Variants in DDX10 observed in about 807,000 individuals in gnomAD.
DDX10 encodes DEAD-box helicase 10.
DDX10 carries 74 observed loss-of-function variants against 104.3 expected under a neutral mutation model. The ratio of observed to expected loss-of-function variants is 0.71; its 90% CI spans 0.59 to 0.86. DDX10 has a LOEUF of 0.86. DDX10 is among the 40% of genes least tolerant of loss of function. The pLI is 0.00. For missense variants in DDX10, 952 were observed against 1,040.0 expected, an observed-to-expected ratio of 0.92 and a Z score of 1.16; for synonymous variants, 351 against 353.4, an observed-to-expected ratio of 0.99 and a Z score of 0.08.
At chr11:108,673,392 C>A in intron 1 of DDX10, 75 bp from the exon 2 acceptor site, 1 of 923,934 alleles carries the variant, frequency 1.1e-6, no homozygotes, top group Non-Finnish European at 1.7e-6. Flanking sequence ...ATGAGCTGGG[C>A]AATACAATGT....
intron 13 of DDX10, among the ~76,000 whole-genome samples, chr11:108,789,971 G>T (rs1265543081): frequency 6.6e-6 from 1 of 152,092 alleles, no homozygotes; most frequent in Non-Finnish European, 1.5e-5. Flanking sequence ...CTGGGGAGGG[G>T]GACCAGGCAT....
intron 6 of DDX10, among the ~76,000 whole-genome samples, chr11:108,681,899 TC>T (rs2094235800): frequency 6.6e-6 from 1 of 152,196 alleles, no homozygotes; most frequent in South Asian, 2.1e-4. Context: ...ATGAAATGCT[TC>T]TTTTTTGCAT....
At chr11:108,910,563 C>A (rs534176206) in intron 16 of DDX10, among the ~76,000 whole-genome samples, 2 of 152,172 alleles carry the variant, frequency 1.3e-5, no homozygotes, top group Admixed American at 1.3e-4. Context: ...AGTTTTCCAA[C>A]TAACTGTTTT....
At chr11:108,769,885 A>G (rs1402979146) in intron 13 of DDX10, among the ~76,000 whole-genome samples, 1 of 152,228 alleles carries the variant, frequency 6.6e-6, no homozygotes, top group Non-Finnish European at 1.5e-5. Context: ...ATTTAAAATA[A>G]TAAACTCATA....
At chr11:108,794,391 C>G (rs1319989160) in intron 13 of DDX10, among the ~76,000 whole-genome samples, 1 of 152,050 alleles carries the variant, frequency 6.6e-6, no homozygotes, top group East Asian at 1.9e-4. Context: ...TTTTCTTGCC[C>G]TATTGCACTA....
chr11:108,821,164 C>G (rs112676420), intron 13 of DDX10, among the ~76,000 whole-genome samples: 1 of 152,084 alleles, frequency 6.6e-6, no homozygotes, highest in South Asian at 2.1e-4. Context: ...AGAAGTATCA[C>G]GAGAAACATC....
At chr11:108,720,117 A>C (rs1454739330) in intron 12 of DDX10, among the ~76,000 whole-genome samples, 1 of 152,208 alleles carries the variant, frequency 6.6e-6, no homozygotes, top group Admixed American at 6.5e-5. Context: ...AGTTTAAGCC[A>C]CTCTGCCTTA....
intron 16 of DDX10, among the ~76,000 whole-genome samples, chr11:108,893,581 A>G (rs1863403320): frequency 1.3e-5 from 2 of 151,220 alleles, no homozygotes; most frequent in South Asian, 4.2e-4. Flanking sequence ...TATTTTCCTT[A>G]TTTTTTTGGA....
rs764615233 is a variant in DDX10, at chr11:108,876,413, A to G, written c.2304+24204A>G. 6.9e-4 allele frequency among the ~76,000 whole-genome samples: 105 copies of G among 152,196 alleles called. 3 individuals are homozygous for G. Among genetic ancestry groups the G allele is most frequent in the Non-Finnish European group, 1.5e-4 (10 of 68,024 alleles). On this transcript the variant is annotated intron_variant, in intron 16 of 17. Transcript: ENST00000322536. Reference sequence around the variant, plus strand: ...CAGACTTCAAACCTTTTTTCCCTCTATGCCACATCAGCAGACAAAATGGCG... The same window carrying G: ...CAGACTTCAAACCTTTTTTCCCTCTGTGCCACATCAGCAGACAAAATGGCG...
intron 13 of DDX10, among the ~76,000 whole-genome samples, chr11:108,799,932 A>G (rs934045694): frequency 6.6e-6 from 1 of 151,954 alleles, no homozygotes; most frequent in Admixed American, 6.6e-5. Flanking sequence ...GTTGTTGTTA[A>G]GAGATGGAGT....
At chr11:108,910,637 G>T (rs1282009481) in intron 16 of DDX10, among the ~76,000 whole-genome samples, 1 of 152,028 alleles carries the variant, frequency 6.6e-6, no homozygotes, top group South Asian at 2.1e-4. Flanking sequence ...TGTATTTCAG[G>T]AACTGCCAGT....
chr11:108,899,039 T>C (rs1016898617), intron 16 of DDX10, among the ~76,000 whole-genome samples: 4 of 152,236 alleles, frequency 2.6e-5, no homozygotes, highest in African/African-American at 9.6e-5. Context: ...TATTTTCAAA[T>C]GTGCATTGAA....
At chr11:108,815,347 A>T (rs971592891) in intron 13 of DDX10, among the ~76,000 whole-genome samples, 10 of 152,060 alleles carry the variant, frequency 6.6e-5, no homozygotes, top group Non-Finnish European at 1.5e-4. Flanking sequence ...GAGTAAATAC[A>T]GTCATCCCTT....
At chr11:108,841,289 G>C in intron 14 of DDX10, 26 bp from the exon 15 acceptor site, 2 of 1,605,702 alleles carry the variant, frequency 1.2e-6, no homozygotes, top group Non-Finnish European at 1.7e-6. Flanking sequence ...ACTTCCTGTT[G>C]ACACTGACCT....
chr11:108,918,143 T>TA (rs1863777306), intron 17 of DDX10, 125 bp downstream of exon 17: 11 of 933,886 alleles, frequency 1.2e-5, no homozygotes, highest in African/African-American at 9.9e-5. Context: ...TTGATACCTT[T>TA]ACTTAGATTC....
chr11:108,794,716 C>T (rs542167961), intron 13 of DDX10, among the ~76,000 whole-genome samples: 2 of 152,024 alleles, frequency 1.3e-5, no homozygotes, highest in South Asian at 2.1e-4. Context: ...TGGCATGTAC[C>T]CCTCTTGACC....
chr11:108,902,583 TA>T (rs1277100060), intron 16 of DDX10, among the ~76,000 whole-genome samples: 2 of 152,164 alleles, frequency 1.3e-5, no homozygotes, highest in Non-Finnish European at 2.9e-5. Context: ...TGTTGTAAGC[TA>T]AAAAGTTAAG....
Position 108,850,041 on chromosome 11 carries a change from G to C in DDX10, c.2248-2112G>C, listed in dbSNP as rs569467203. On this transcript the variant is annotated intron_variant, in intron 15 of 17. Coordinates refer to ENST00000322536, the MANE Select transcript of DDX10 (RefSeq NM_004398.4). ...TCAGAGTACTAATAAAGCTTTTTCA[G>C]ATAAGAAAGAAACGTTTTCTAATGA... Among the ~76,000 whole-genome samples the C allele has an allele frequency of 7.2e-5, 11 of 152,106 alleles. No homozygotes were observed. The South Asian group carries it at 2.3e-3, about 32-fold the overall frequency.
At chr11:108,738,027 A>G (rs76892461) in intron 13 of DDX10, among the ~76,000 whole-genome samples, 4 of 152,190 alleles carry the variant, frequency 2.6e-5, no homozygotes, top group African/African-American at 9.6e-5. Context: ...TGATATGGGA[A>G]ATGGTTGCAT....
Sources: gnomAD v4.1 joint callset for allele counts (sites outside exome capture counted in the v4.1 genomes callset) on GRCh38, gnomAD v4.1.1 for gene constraint, MANE v1.5 for transcripts, NCBI Gene and HGNC (gene_info 2026-07-23, HGNC 2026-07-21) for gene names.